ROBO2: variants seen among roughly 807,000 people sequenced by gnomAD.
ROBO2 encodes the protein roundabout guidance receptor 2, also known as roundabout homolog 2.
A neutral mutation model predicts 160.8 loss-of-function variants in ROBO2; 53 were observed. That is an observed-to-expected ratio of 0.33 (90% CI 0.26 to 0.41). The LOEUF (loss-of-function observed/expected upper bound fraction) is 0.41. ROBO2 is among the 10% of genes least tolerant of loss of function. The probability of loss-of-function intolerance (pLI) is 1.00; values close to 1 mark genes in which losing one functional copy is unlikely to be tolerated. For missense variants in ROBO2, 1,577 were observed against 1,722.4 expected, an observed-to-expected ratio of 0.92 and a Z score of 1.49; for synonymous variants, 664 against 611.7, an observed-to-expected ratio of 1.09 and a Z score of -1.26.
chr3:77,410,220 C>G (rs929613713), intron 2 of ROBO2, among the ~76,000 whole-genome samples: 2 of 152,154 alleles, frequency 1.3e-5, no homozygotes, highest in African/African-American at 4.8e-5. Context: ...ACACATCTCT[C>G]TGTGGAATCT....
chr3:76,107,918 A>G (rs2070020362), intron 2 of ROBO2, among the ~76,000 whole-genome samples: 1 of 152,136 alleles, frequency 6.6e-6, no homozygotes, highest in Non-Finnish European at 1.5e-5. Flanking sequence ...TTGAGTTATG[A>G]GTAATTGTTG....
intron 2 of ROBO2, among the ~76,000 whole-genome samples, chr3:77,106,611 A>G (rs28519999): frequency 0.16 from 24,813 of 152,114 alleles, 2,514 homozygotes; most frequent in Non-Finnish European, 0.23. Flanking sequence ...AGAAGTAAAA[A>G]CAATAGGTGA....
At chr3:76,964,782 T>C (rs1455949751) in intron 2 of ROBO2, among the ~76,000 whole-genome samples, 2 of 152,208 alleles carry the variant, frequency 1.3e-5, no homozygotes, top group Non-Finnish European at 2.9e-5. Flanking sequence ...CCAAAGGTTT[T>C]TGGTGCTCTA....
intron 1 of ROBO2, among the ~76,000 whole-genome samples, chr3:77,065,979 C>T (rs12630044): frequency 0.25 from 38,542 of 151,842 alleles, 5,834 homozygotes; most frequent in East Asian, 0.62. Flanking sequence ...GCATCGAAGC[C>T]GAAGCTATTT....
chr3:76,657,635 CAT>C (rs1217999562), intron 2 of ROBO2, among the ~76,000 whole-genome samples: 1,670 of 137,238 alleles, frequency 0.012, 29 homozygotes, highest in African/African-American at 0.041. Context: ...TATATATATT[CAT>C]ATATATGTGT....
chr3:77,636,490 G>C (rs2095266100), intron 24 of ROBO2, among the ~76,000 whole-genome samples: 1 of 152,112 alleles, frequency 6.6e-6, no homozygotes, highest in Non-Finnish European at 1.5e-5. Flanking sequence ...TACTGAGGAG[G>C]CTGAGGCAGG....
chr3:76,994,840 C>A (rs1381953575), intron 2 of ROBO2, among the ~76,000 whole-genome samples: 1 of 151,960 alleles, frequency 6.6e-6, no homozygotes, highest in Non-Finnish European at 1.5e-5. Flanking sequence ...TGAAATGTTA[C>A]AAGAAGCAAT....
chr3:77,450,489 C>G (rs1359183822), intron 2 of ROBO2, among the ~76,000 whole-genome samples: 1 of 151,996 alleles, frequency 6.6e-6, no homozygotes, highest in Non-Finnish European at 1.5e-5. Context: ...GTGAGTTTTA[C>G]AGATTATTGG....
intron 5 of ROBO2, among the ~76,000 whole-genome samples, chr3:77,508,764 T>G (rs1036154163): frequency 2.0e-5 from 3 of 152,044 alleles, no homozygotes; most frequent in African/African-American, 7.2e-5. Flanking sequence ...GTTTATAATT[T>G]TTATCATATG....
At chr3:76,321,851 C>T (rs768453458) in intron 2 of ROBO2, among the ~76,000 whole-genome samples, 2 of 152,172 alleles carry the variant, frequency 1.3e-5, no homozygotes, top group African/African-American at 2.4e-5. Context: ...GTGTGCGTTA[C>T]CTGGGTGACA....
At chr3:76,853,094 A>G (rs565910520) in intron 2 of ROBO2, among the ~76,000 whole-genome samples, 1 of 152,206 alleles carries the variant, frequency 6.6e-6, no homozygotes, top group South Asian at 2.1e-4. Flanking sequence ...AAAATTACAT[A>G]CAAGTAATTT....
chr3:76,240,594 G>T (rs1034148677), intron 2 of ROBO2, among the ~76,000 whole-genome samples: 17 of 152,028 alleles, frequency 1.1e-4, no homozygotes, highest in African/African-American at 3.6e-4. Context: ...GGAGTGAAAT[G>T]AAAAATAGAA....
intron 16 of ROBO2, among the ~76,000 whole-genome samples, chr3:77,581,643 G>A (rs1583081391): frequency 6.6e-6 from 1 of 151,668 alleles, no homozygotes; most frequent in East Asian, 1.9e-4. Flanking sequence ...ATTTTTCTTT[G>A]TGTAAATTTA....
intron 2 of ROBO2, among the ~76,000 whole-genome samples, chr3:76,840,625 A>G (rs186332274): frequency 0.034 from 4,273 of 125,340 alleles, 175 homozygotes; most frequent in East Asian, 0.13. Flanking sequence ...AAAAAATTAT[A>G]TATATATATT....
In ROBO2 at chr3:76,353,036, G is replaced by C. The variant is rs540402675; in HGVS notation, c.109+415434G>C. On this transcript the variant is annotated intron_variant, in intron 2 of 26. Coordinates refer to the ROBO2 transcript ENST00000487694. Reference sequence around the variant, plus strand: ...CCCAAAATACAATTCTAACTTAGCAGTCACCGTCAGCATAGTGATGATTCG... The same window carrying C: ...CCCAAAATACAATTCTAACTTAGCACTCACCGTCAGCATAGTGATGATTCG... Among the ~76,000 whole-genome samples the C allele has an allele frequency of 9.2e-5, 14 of 152,072 alleles. No homozygotes were observed. In the South Asian group the frequency reaches 2.7e-3, roughly 29 times the overall value.
At chr3:76,341,118 A>G (rs2074196061) in intron 2 of ROBO2, among the ~76,000 whole-genome samples, 1 of 152,102 alleles carries the variant, frequency 6.6e-6, no homozygotes, top group Non-Finnish European at 1.5e-5. Context: ...TATTTGTGAT[A>G]TATGAGGAAA....
intron 2 of ROBO2, among the ~76,000 whole-genome samples, chr3:77,346,209 T>G: frequency 6.6e-6 from 1 of 152,160 alleles, no homozygotes; most frequent in African/African-American, 2.4e-5. Context: ...AATGAATTGC[T>G]TAGTATATTT....
At chr3:77,182,811 G>A (rs2080916783) in intron 2 of ROBO2, among the ~76,000 whole-genome samples, 1 of 152,076 alleles carries the variant, frequency 6.6e-6, no homozygotes, top group South Asian at 2.1e-4. Context: ...GTGGAGAGAT[G>A]CAGGTAACTA....
chr3:76,423,726 G>A (rs1298528799), intron 2 of ROBO2, among the ~76,000 whole-genome samples: 2 of 152,144 alleles, frequency 1.3e-5, no homozygotes, highest in African/African-American at 4.8e-5. Context: ...GAAGATAAAG[G>A]TAAAAGTCCA....
Sources: allele counts gnomAD v4.1 joint callset (sites outside exome capture counted in the v4.1 genomes callset), GRCh38; gene constraint gnomAD v4.1.1; transcripts MANE v1.5; gene names NCBI Gene and HGNC (gene_info 2026-07-23, HGNC 2026-07-21).